THADA: variants seen among roughly 807,000 people sequenced by gnomAD.
The protein encoded by THADA is THADA armadillo repeat containing.
Under a neutral mutation model 219.8 loss-of-function variants are expected in THADA, and 213 were observed. The ratio of observed to expected loss-of-function variants is 0.97; its 90% CI spans 0.87 to 1.09. The LOEUF (loss-of-function observed/expected upper bound fraction) is 1.09. THADA is among the 50% of genes least tolerant of loss of function. THADA has a pLI of 0.00. For synonymous variants in THADA, 1,018 were observed against 828.9 expected (o/e 1.23, Z -3.92); for missense variants, 2,956 against 2,311.3 (o/e 1.28, Z -5.72).
intron 26 of THADA, among the ~76,000 whole-genome samples, chr2:43,453,678 T>C (rs776281499): frequency 5.3e-5 from 8 of 152,194 alleles, no homozygotes; most frequent in Non-Finnish European, 8.8e-5. Flanking sequence ...TGCCACCTCT[T>C]GCAGACCCTG....
chr2:43,362,199 G>A (rs1447096109), intron 29 of THADA, among the ~76,000 whole-genome samples: 2 of 152,178 alleles, frequency 1.3e-5, no homozygotes, highest in South Asian at 2.1e-4. Flanking sequence ...CGTCTTTCCT[G>A]TGTGTATTAG....
At position 43,590,970 on chromosome 2, in the gene THADA, T is replaced by A. The variant is rs781759372; in HGVS notation, c.172-16A>T. 2 of 1,601,108 alleles carry A rather than the reference T, an allele frequency of 1.2e-6. No homozygotes were observed. Among genetic ancestry groups the A allele is most frequent in the Non-Finnish European group, 8.5e-7 (1 of 1,174,394 alleles). ...GAGGCACAATCTATAATACAAAACA[T>A]TGAAGTAATTTTTATAATATCAAAT... On this transcript the variant is annotated splice_polypyrimidine_tract_variant and intron_variant, in intron 3 of 37. Coordinates refer to ENST00000405975, the MANE Select transcript of THADA (RefSeq NM_022065.5).
At chr2:43,404,410 C>G (rs1675280043) in intron 28 of THADA, among the ~76,000 whole-genome samples, 1 of 146,870 alleles carries the variant, frequency 6.8e-6, no homozygotes, top group Non-Finnish European at 1.5e-5. Context: ...GAGACAGGGT[C>G]TCATACACCT....
intron 28 of THADA, among the ~76,000 whole-genome samples, chr2:43,409,396 G>GATATTATA (rs1676004917): frequency 6.6e-6 from 1 of 151,356 alleles, no homozygotes; most frequent in Non-Finnish European, 1.5e-5. Context: ...AAGAGCAACA[G>GATATTATA]ATATTGAGAT....
chr2:43,330,526 G>A (rs2104495119), intron 30 of THADA, among the ~76,000 whole-genome samples: 1 of 152,290 alleles, frequency 6.6e-6, no homozygotes, highest in East Asian at 1.9e-4. Flanking sequence ...GGGCAGATGT[G>A]CTCCTGCCAG....
At chr2:43,576,309 A>G (rs1003072992) in intron 10 of THADA, among the ~76,000 whole-genome samples, 1 of 152,212 alleles carries the variant, frequency 6.6e-6, no homozygotes, top group Non-Finnish European at 1.5e-5. Flanking sequence ...TTTCATATAC[A>G]TGATCACTTT....
chr2:43,498,344 G>C (rs1234264774), intron 25 of THADA, among the ~76,000 whole-genome samples: 1 of 152,166 alleles, frequency 6.6e-6, no homozygotes, highest in Non-Finnish European at 1.5e-5. Context: ...TAATGCCACT[G>C]CATTGTATAT....
chr2:43,301,443 G>C (rs77634378), intron 31 of THADA, among the ~76,000 whole-genome samples: 4,371 of 152,322 alleles, frequency 0.029, 227 homozygotes, highest in African/African-American at 0.099. Flanking sequence ...TCTAGGTCTA[G>C]ATGCAGCAGT....
chr2:43,576,694 G>A (rs749306865), intron 10 of THADA, among the ~76,000 whole-genome samples: 17 of 151,994 alleles, frequency 1.1e-4, no homozygotes, highest in East Asian at 1.9e-4. Context: ...TCACTCTGTC[G>A]CCCAGGCTTG....
At chr2:43,587,472 G>A (rs1330884730) in intron 4 of THADA, among the ~76,000 whole-genome samples, 1 of 151,966 alleles carries the variant, frequency 6.6e-6, no homozygotes, top group Non-Finnish European at 1.5e-5. Context: ...CTTAGCTCTA[G>A]CTACATGGCC....
chr2:43,286,977 T>G lies in THADA; in HGVS notation c.5095A>C (p.Arg1699=). The stretch of plus-strand genomic sequence containing the variant: ...GTGAGGACTTCAACGACGGCCAGCC[T>G]AGACTCTGTAGGAAGATGGTCTTCA... The part of the protein sequence containing the change: ...SCEDHLPTES[R]LAVVEVLTST... Residue 1699 remains arginine (R), a synonymous_variant, in exon 35 of 38, where the codon AGG becomes CGG. Transcript: ENST00000405975. The G allele has an allele frequency of 6.2e-7, 1 of 1,613,998 alleles. No individual in the cohort carries two copies. Among genetic ancestry groups the G allele is most frequent in the Non-Finnish European group, 8.5e-7 (1 of 1,179,892 alleles).
intron 10 of THADA, 80 bp from the exon 11 acceptor site, chr2:43,575,107 A>C (rs1446538648): frequency 9.1e-7 from 1 of 1,098,932 alleles, no homozygotes; most frequent in African/African-American, 1.6e-5. Context: ...TTAGACTTTA[A>C]AAATATTAAA....
At chr2:43,303,793 G>T (rs1676529470) in intron 31 of THADA, among the ~76,000 whole-genome samples, 1 of 152,166 alleles carries the variant, frequency 6.6e-6, no homozygotes, top group East Asian at 1.9e-4. Context: ...TCCAATCAGT[G>T]GTCAATGTCC....
At chr2:43,478,435 G>T (rs764986345) in intron 26 of THADA, among the ~76,000 whole-genome samples, 2 of 152,108 alleles carry the variant, frequency 1.3e-5, no homozygotes, top group Non-Finnish European at 2.9e-5. Flanking sequence ...AATACTGCTT[G>T]TAAACCCCCT....
chr2:43,424,079 T>C (rs1215138213), intron 28 of THADA, among the ~76,000 whole-genome samples: 2 of 152,164 alleles, frequency 1.3e-5, no homozygotes, highest in African/African-American at 4.8e-5. Context: ...TTTTAAAAGT[T>C]GTATACAAGA....
chr2:43,391,922 T>C (rs1204090562), intron 29 of THADA: 3 of 152,244 alleles, frequency 2.0e-5, no homozygotes, highest in Non-Finnish European at 2.9e-5. Flanking sequence ...AGAATAAATC[T>C]GGCCACCTGA....
chr2:43,429,726 A>C (rs1270271270), intron 27 of THADA, among the ~76,000 whole-genome samples: 1 of 151,968 alleles, frequency 6.6e-6, no homozygotes, highest in Non-Finnish European at 1.5e-5. Context: ...AAATGGAATT[A>C]AGTTTGATAA....
rs556592851 is a variant in THADA at position 43,245,221 on chromosome 2, G to A, written c.5297-12339C>T. Among the ~76,000 whole-genome samples the A allele has an allele frequency of 9.6e-4, 123 of 128,642 alleles. 1 individual carries two copies. Among genetic ancestry groups the A allele is most frequent in the African/African-American group, 3.7e-3 (116 of 30,956 alleles). The allele number at this position is 128,642 out of a possible 152,430, so 84.4% of individuals were successfully genotyped here. ...GGAGTCTTGCTCTGTCGCCCAGGCT[G>A]GAGTGCAGTGGTGTGATCTCGGCTC... On this transcript the variant is annotated intron_variant, in intron 36 of 37. Transcript: ENST00000405975.
At chr2:43,415,738 G>A (rs1469170097) in intron 28 of THADA, among the ~76,000 whole-genome samples, 3 of 152,062 alleles carry the variant, frequency 2.0e-5, no homozygotes, top group Admixed American at 6.5e-5. Context: ...TAGGGCCCTC[G>A]TGACGCTTCA....
Sources: allele counts gnomAD v4.1 joint callset (sites outside exome capture counted in the v4.1 genomes callset), GRCh38; gene constraint gnomAD v4.1.1; transcripts MANE v1.5; gene names NCBI Gene and HGNC (gene_info 2026-07-23, HGNC 2026-07-21).